Variants in SCN8A observed in about 807,000 individuals in gnomAD.
SCN8A encodes sodium channel protein type 8 subunit alpha.
In SCN8A, 30 loss-of-function variants were observed where a neutral mutation model predicts 184.1. The ratio of observed to expected loss-of-function variants is 0.16; its 90% CI spans 0.12 to 0.22. The LOEUF (loss-of-function observed/expected upper bound fraction) is 0.22, where lower values mean the gene tolerates loss of function less well. SCN8A is among the 10% of genes least tolerant of loss of function. SCN8A has a pLI of 1.00. For missense variants in SCN8A, 1,057 were observed against 2,498.9 expected (o/e 0.42, Z 12.30); for synonymous variants, 852 against 907.0 (o/e 0.94, Z 1.09).
At chr12:51,737,583 G>A (rs574735163) in intron 12 of SCN8A, among the ~76,000 whole-genome samples, 5 of 152,266 alleles carry the variant, frequency 3.3e-5, no homozygotes, top group Admixed American at 2.0e-4. Context: ...TGATCCCTAC[G>A]TATGGTTACT....
At chr12:51,605,972 G>T (rs1939582667) in intron 1 of SCN8A, among the ~76,000 whole-genome samples, 2 of 152,046 alleles carry the variant, frequency 1.3e-5, no homozygotes, top group African/African-American at 4.8e-5. Context: ...ATTTGTTTGA[G>T]TTCATTGTAG....
At chr12:51,640,493 A>G (rs1361227761) in intron 1 of SCN8A, among the ~76,000 whole-genome samples, 1 of 151,888 alleles carries the variant, frequency 6.6e-6, no homozygotes, top group Non-Finnish European at 1.5e-5. Context: ...GAATAAGAAC[A>G]ACTGTCCCAA....
Position 51,706,693 on chromosome 12 carries a change from G to T in SCN8A, c.1613G>T (p.Arg538Met). The change falls in exon 11 of 27, where the codon AGG becomes ATG. Residue 538 changes from arginine to methionine, a missense_variant. Arg to Met is a moderately conservative substitution (Grantham distance 91). Coordinates refer to ENST00000627620, the MANE Select transcript of SCN8A (RefSeq NM_001330260.2). ...AFRLPDNRIG[R>M]KFSIMNQSLL... ...CGGCTGCCAGACAACAGAATAGGGA[G>T]GAAATTTTCCATCATGAATCAGGTA... 6.5e-7 allele frequency: 1 copy of T among 1,543,062 alleles called. No individual in the cohort carries two copies. The highest frequency in any genetic ancestry group is 8.7e-7 in the Non-Finnish European group (1 of 1,150,234).
intron 11 of SCN8A, among the ~76,000 whole-genome samples, chr12:51,717,402 C>G (rs1407234842): frequency 1.3e-5 from 2 of 152,198 alleles, no homozygotes; most frequent in African/African-American, 4.8e-5. Context: ...GAAAAATCAT[C>G]ACATTCTTAG....
chr12:51,640,212 GTTTTTTTTTTTTT>G (rs57362371), intron 1 of SCN8A, among the ~76,000 whole-genome samples: 411 of 34,726 alleles, frequency 0.012, 1 homozygote, highest in African/African-American at 0.047. Flanking sequence ...TGCCTGGCCT[GTTTTTTTTTTTTT>G]TTTTTTTTTT....
chr12:51,700,343 G>C, intron 7 of SCN8A, among the ~76,000 whole-genome samples: 1 of 152,050 alleles, frequency 6.6e-6, no homozygotes, highest in East Asian at 1.9e-4. Flanking sequence ...CTTTTGCTTT[G>C]AAATTCAGGC....
chr12:51,787,190 C>T (rs181243984), intron 22 of SCN8A, among the ~76,000 whole-genome samples: 1 of 152,198 alleles, frequency 6.6e-6, no homozygotes, highest in Non-Finnish European at 1.5e-5. Context: ...AAAGTAATGG[C>T]AATTGTGATG....
chr12:51,799,836 C>T (rs1468226663), intron 26 of SCN8A, among the ~76,000 whole-genome samples: 1 of 152,200 alleles, frequency 6.6e-6, no homozygotes, highest in East Asian at 1.9e-4. Context: ...TTATCCTTCA[C>T]CTTAGAAGGA....
chr12:51,680,778 G>T (rs1941316545), intron 2 of SCN8A, among the ~76,000 whole-genome samples: 1 of 152,128 alleles, frequency 6.6e-6, no homozygotes, highest in Admixed American at 6.5e-5. Flanking sequence ...GAGGCAGGCG[G>T]ATCATCCGAA....
intron 2 of SCN8A, 52 bp downstream of exon 2, chr12:51,663,145 A>G: frequency 6.3e-7 from 1 of 1,581,456 alleles, no homozygotes; most frequent in Non-Finnish European, 8.6e-7. Flanking sequence ...TAACAGGCTT[A>G]GGGAGATGGG....
In SCN8A at chr12:51,697,718, C is replaced by T. The variant is rs144163482; in HGVS notation, c.707-1852C>T. Among the ~76,000 whole-genome samples, 561 of 152,280 alleles carry T rather than the reference C, an allele frequency of 3.7e-3. 2 individuals are homozygous for T. Among genetic ancestry groups the T allele is most frequent in the African/African-American group, 0.013 (529 of 41,554 alleles). On this transcript the variant is annotated intron_variant, in intron 6 of 26. Coordinates refer to ENST00000627620, the MANE Select transcript of SCN8A (RefSeq NM_001330260.2). ...TATCTATTTAAACCTAACAACAACCCAATGAGGTTGGTATTGTAAATCCAT... is the reference window on the plus strand; with the variant it reads ...TATCTATTTAAACCTAACAACAACCTAATGAGGTTGGTATTGTAAATCCAT...
intron 11 of SCN8A, among the ~76,000 whole-genome samples, chr12:51,720,729 A>G (rs1446091211): frequency 2.0e-5 from 3 of 152,140 alleles, no homozygotes; most frequent in Non-Finnish European, 2.9e-5. Flanking sequence ...TGACCAGGAC[A>G]TGTACTTGGA....
intron 1 of SCN8A, among the ~76,000 whole-genome samples, chr12:51,620,936 A>G (rs1265713105): frequency 3.9e-5 from 6 of 152,240 alleles, no homozygotes; most frequent in Admixed American, 2.0e-4. Context: ...GTAGTGAGCC[A>G]TGGTTACACC....
intron 14 of SCN8A, among the ~76,000 whole-genome samples, chr12:51,754,689 G>C (rs912762930): frequency 1.3e-5 from 2 of 152,206 alleles, no homozygotes; most frequent in Non-Finnish European, 2.9e-5. Flanking sequence ...GCCTGGAGGA[G>C]TTCCTCAGTC....
intron 20 of SCN8A, among the ~76,000 whole-genome samples, chr12:51,779,682 A>G (rs1937834290): frequency 6.6e-6 from 1 of 152,220 alleles, no homozygotes; most frequent in South Asian, 2.1e-4. Context: ...ACGGGTCTCA[A>G]TTTCCTCATC....
At chr12:51,650,727 C>T (rs929687287) in intron 1 of SCN8A, among the ~76,000 whole-genome samples, 1 of 152,156 alleles carries the variant, frequency 6.6e-6, no homozygotes, top group Non-Finnish European at 1.5e-5. Context: ...CAAGGAACAC[C>T]TGGCCCACCC....
In SCN8A at chr12:51,810,080, C is replaced by T. The variant is rs76675503; in HGVS notation, c.*2651C>T. The T allele has an allele frequency of 8.7e-3, 1,489 of 171,492 alleles. 28 individuals are homozygous for T. The highest frequency in any genetic ancestry group is 0.033 in the African/African-American group (1,375 of 41,886). The allele number at this position is 171,492 out of a possible 1,614,324, so 10.6% of individuals were successfully genotyped here. On this transcript the variant is annotated 3_prime_UTR_variant, in exon 27 of 27. Coordinates refer to ENST00000627620, the MANE Select transcript of SCN8A (RefSeq NM_001330260.2). ...TGCTCATGCTAGTGATGTCATTAAG[C>T]TACTAGGGCATAGTGATGAGATTTT... is the stretch of plus-strand genomic sequence containing the variant.
rs370826322 is a variant in SCN8A at position 51,808,351 on chromosome 12, CCGTTG to C, written c.*926_*930del. 2.4e-4 allele frequency: 36 copies of C among 152,736 alleles called. No homozygotes were observed. Among genetic ancestry groups the C allele is most frequent in the African/African-American group, 8.2e-4 (34 of 41,554 alleles). The allele number at this position is 152,736 out of a possible 1,614,324, so 9.5% of individuals were successfully genotyped here. ...AACCCAATCCAACAAGCAGATGGAT[CCGTTG>C]CGTGTATATGTTTAACAGACATCTC... On this transcript the variant is annotated 3_prime_UTR_variant, in exon 27 of 27. Transcript: ENST00000627620.
chr12:51,608,021 CTTTTTTT>C (rs749172465), intron 1 of SCN8A, among the ~76,000 whole-genome samples: 2 of 133,462 alleles, frequency 1.5e-5, no homozygotes, highest in Admixed American at 1.5e-4. Context: ...TTTCTTTTTC[CTTTTTTT>C]TTTTTTTTTT....
Sources: allele counts gnomAD v4.1 joint callset (sites outside exome capture counted in the v4.1 genomes callset), GRCh38; gene constraint gnomAD v4.1.1; transcripts MANE v1.5; gene names NCBI Gene and HGNC (gene_info 2026-07-23, HGNC 2026-07-21).